The following CSGALNACT1 variants were observed in gnomAD, a reference collection of about 807,000 sequenced individuals.
The protein encoded by CSGALNACT1 is chondroitin sulfate N-acetylgalactosaminyltransferase 1.
A neutral mutation model predicts 51.0 loss-of-function variants in CSGALNACT1; 52 were observed. The observed-to-expected ratio is 1.02, with a 90% confidence interval of 0.82 to 1.29. The LOEUF is 1.29. Among genes scored for constraint, CSGALNACT1 ranks in the 50% most tolerant of loss-of-function variants. The pLI is 0.00. For missense variants in CSGALNACT1, 935 were observed against 679.2 expected (o/e 1.38, Z -4.19); for synonymous variants, 341 against 254.4 (o/e 1.34, Z -3.24).
At chr8:19,476,985 T>C (rs111412751) in intron 4 of CSGALNACT1, among the ~76,000 whole-genome samples, 1,676 of 152,338 alleles carry the variant, frequency 0.011, 33 homozygotes, top group African/African-American at 0.038. Flanking sequence ...CCTGACCCAG[T>C]TGCAGAATCT....
chr8:19,754,103 A>T (rs574621020), intron 1 of CSGALNACT1, among the ~76,000 whole-genome samples: 4 of 152,034 alleles, frequency 2.6e-5, no homozygotes, highest in African/African-American at 9.7e-5. Context: ...TCTCAGCTCA[A>T]TGCAACCTCC....
At chr8:19,656,390 T>A (rs1027725693) in intron 1 of CSGALNACT1, among the ~76,000 whole-genome samples, 3 of 151,840 alleles carry the variant, frequency 2.0e-5, no homozygotes, top group African/African-American at 7.3e-5. Flanking sequence ...CCAAAAAAAA[T>A]AATTTTAAGG....
intron 1 of CSGALNACT1, among the ~76,000 whole-genome samples, chr8:19,637,120 C>T (rs1025358215): frequency 6.6e-6 from 1 of 152,050 alleles, no homozygotes; most frequent in African/African-American, 2.4e-5. Flanking sequence ...GCAGGAGAAT[C>T]GCTTGAACCC....
chr8:19,405,719 G>T (rs977533246), exon 10 of CSGALNACT1: 4 of 1,598,630 alleles, frequency 2.5e-6, no homozygotes, highest in Non-Finnish European at 2.6e-6. Context: ...CTCTGTTGCA[G>T]CCACTTTCAG....
At chr8:19,577,659 A>C (rs1245606129) in intron 3 of CSGALNACT1, among the ~76,000 whole-genome samples, 2 of 151,840 alleles carry the variant, frequency 1.3e-5, no homozygotes, top group Non-Finnish European at 2.9e-5. Flanking sequence ...CATGCCAGAC[A>C]ACGAAAATAT....
At chr8:19,593,652 G>C (rs1453088016) in intron 2 of CSGALNACT1, among the ~76,000 whole-genome samples, 1 of 152,186 alleles carries the variant, frequency 6.6e-6, no homozygotes, top group African/African-American at 2.4e-5. Flanking sequence ...CATCAGGAAG[G>C]GTGGTTTTCA....
intron 1 of CSGALNACT1, among the ~76,000 whole-genome samples, chr8:19,733,522 T>C (rs2063799716): frequency 6.6e-6 from 1 of 152,210 alleles, no homozygotes; most frequent in Admixed American, 6.5e-5. Flanking sequence ...CTGTGTGACA[T>C]ATGAAGTTTT....
chr8:19,657,562 G>C (rs551806565), intron 1 of CSGALNACT1, among the ~76,000 whole-genome samples: 1 of 152,228 alleles, frequency 6.6e-6, no homozygotes, highest in South Asian at 2.1e-4. Flanking sequence ...AGGAACAACA[G>C]CCCCATTTCT....
chr8:19,595,980 T>G (rs1254452408), intron 2 of CSGALNACT1, among the ~76,000 whole-genome samples: 1 of 151,652 alleles, frequency 6.6e-6, no homozygotes, highest in East Asian at 1.9e-4. Flanking sequence ...CCTCCGACTC[T>G]AGCCTCCCAA....
rs1327966062 is a variant in CSGALNACT1, at chr8:19,655,868, TA to T, written c.-544+26604del. ...GCTCTCAGTCTGGTAATAGGAGACT[TA>T]AAAATAATAACAAAAGGTAGAAATT... On this transcript the variant is annotated intron_variant, in intron 1 of 9. Coordinates refer to the CSGALNACT1 transcript ENST00000332246. Among the ~76,000 whole-genome samples the T allele has an allele frequency of 6.6e-5, 10 of 152,290 alleles. No homozygotes were observed. In the East Asian group the frequency reaches 1.9e-3, roughly 29 times the overall value.
exon 10 of CSGALNACT1, chr8:19,405,074 C>T (rs1226373472): frequency 2.2e-6 from 1 of 453,580 alleles, no homozygotes; most frequent in Non-Finnish European, 4.4e-6. Flanking sequence ...AAAATGTAGG[C>T]CAACTTGTGC....
rs33995376 is a variant in CSGALNACT1, at chr8:19,442,716, T to TAAA, written c.852-2788_852-2786dup. Among the ~76,000 whole-genome samples the TAAA allele has an allele frequency of 5.5e-3, 786 of 143,240 alleles. 4 individuals are homozygous for TAAA. Among genetic ancestry groups the TAAA allele is most frequent in the Admixed American group, 0.011 (164 of 14,534 alleles). 94.0% of individuals were successfully genotyped at this position (143,240 alleles called of 152,430 possible). Reference sequence around the variant, plus strand: ...CACATGTACCCTAAAACTTAAAGTATAAAAAAAAAAAAAGACTATGAAGTA... The same window carrying TAAA: ...CACATGTACCCTAAAACTTAAAGTATAAAAAAAAAAAAAAAAGACTATGAAGTA... On this transcript the variant is annotated intron_variant, in intron 5 of 9. Transcript: ENST00000454498.
intron 1 of CSGALNACT1, among the ~76,000 whole-genome samples, chr8:19,680,861 A>G (rs1311717014): frequency 6.6e-6 from 1 of 151,980 alleles, no homozygotes; most frequent in East Asian, 1.9e-4. Context: ...AATATCAACC[A>G]TTTTTCCTAC....
intron 5 of CSGALNACT1, among the ~76,000 whole-genome samples, chr8:19,440,812 G>C (rs1449337647): frequency 6.6e-6 from 1 of 152,034 alleles, no homozygotes; most frequent in African/African-American, 2.4e-5. Flanking sequence ...TGTATATCTA[G>C]AAAACCCCAT....
chr8:19,428,231 T>C (rs889138425), intron 6 of CSGALNACT1, among the ~76,000 whole-genome samples: 3 of 152,212 alleles, frequency 2.0e-5, no homozygotes, highest in Non-Finnish European at 4.4e-5. Flanking sequence ...TGTATCAGTC[T>C]GTTTTCACAC....
chr8:19,432,953 C>T (rs182294992), intron 6 of CSGALNACT1, among the ~76,000 whole-genome samples: 6 of 151,776 alleles, frequency 4.0e-5, no homozygotes, highest in Admixed American at 6.6e-5. Flanking sequence ...TTCTAATGAC[C>T]GATTTTTTTT....
chr8:19,531,209 C>T (rs1378895354), intron 3 of CSGALNACT1, among the ~76,000 whole-genome samples: 1 of 152,188 alleles, frequency 6.6e-6, no homozygotes, highest in East Asian at 1.9e-4. Flanking sequence ...TATCTATCAT[C>T]TTTATTTTAG....
intron 1 of CSGALNACT1, among the ~76,000 whole-genome samples, chr8:19,703,817 G>A (rs1236444923): frequency 6.6e-6 from 1 of 152,216 alleles, no homozygotes; most frequent in Non-Finnish European, 1.5e-5. Flanking sequence ...ATTAAGTTTA[G>A]TTCTCTACAA....
At chr8:19,710,181 C>T (rs1342222222) in intron 1 of CSGALNACT1, among the ~76,000 whole-genome samples, 1 of 152,108 alleles carries the variant, frequency 6.6e-6, no homozygotes, top group Non-Finnish European at 1.5e-5. Context: ...ACCCAAAAAG[C>T]CATAAATTAA....
Sources: allele counts gnomAD v4.1 joint callset (sites outside exome capture counted in the v4.1 genomes callset), GRCh38; gene constraint gnomAD v4.1.1; transcripts MANE v1.5; gene names NCBI Gene and HGNC (gene_info 2026-07-23, HGNC 2026-07-21).